The following ZNF721 variants were observed in gnomAD, a reference collection of about 807,000 sequenced individuals.
ZNF721 encodes the protein zinc finger protein 721.
In ZNF721, 2 loss-of-function variants were observed where a neutral mutation model predicts 2.4. The observed-to-expected ratio is 0.82, with a 90% CI of 0.34 to 2.58. ZNF721 has a LOEUF of 2.58. Ranked by LOEUF, ZNF721 falls within the 30% of genes most tolerant of loss-of-function variation. ZNF721 has a pLI of 0.11. For missense variants in ZNF721, 1,187 were observed against 1,085.5 expected, an observed-to-expected ratio of 1.09 and a Z score of -1.31; for synonymous variants, 398 against 381.8, an observed-to-expected ratio of 1.04 and a Z score of -0.50.
chr4:495,607 TTC>T (rs1279677373), intron 1 of ZNF721, among the ~76,000 whole-genome samples: 3 of 142,032 alleles, frequency 2.1e-5, no homozygotes, highest in South Asian at 2.3e-4. Flanking sequence ...TTGCCATTTC[TTC>T]TTTTTTTTTT....
At chr4:496,936 T>C (rs1716169877) in intron 1 of ZNF721, among the ~76,000 whole-genome samples, 1 of 151,708 alleles carries the variant, frequency 6.6e-6, no homozygotes. Flanking sequence ...ATGGTCTCGA[T>C]CTCCTGACCT....
rs1353005497 is a variant in ZNF721, at chr4:441,635, G to T, written c.*60C>A. 3 of 1,384,888 alleles carry T rather than the reference G, an allele frequency of 2.2e-6. No homozygotes were observed. In the African/African-American group the frequency reaches 4.4e-5, roughly 20 times the overall value. The allele number at this position is 1,384,888 out of a possible 1,614,324, so 85.8% of individuals were successfully genotyped here. A position where few individuals can be genotyped will look rare whatever the true frequency, so the allele number is the denominator to read the frequency against. On this transcript the variant is annotated 3_prime_UTR_variant, in exon 3 of 3. Coordinates refer to ENST00000511833, the MANE Select transcript of ZNF721 (RefSeq NM_133474.4). Reference sequence around the variant, plus strand: ...GTCACCTTCGTAAGACATTCCCCTGGTATGAGTTCTCTTATGTTTAAGAAT... The same window carrying T: ...GTCACCTTCGTAAGACATTCCCCTGTTATGAGTTCTCTTATGTTTAAGAAT...
chr4:447,111 G>C (rs954069697), intron 2 of ZNF721, among the ~76,000 whole-genome samples: 1 of 152,118 alleles, frequency 6.6e-6, no homozygotes, highest in Non-Finnish European at 1.5e-5. Flanking sequence ...CACAAGGTCA[G>C]GAGATTGAGA....
intron 2 of ZNF721, among the ~76,000 whole-genome samples, chr4:460,627 C>CAAAA (rs199519505): frequency 9.9e-6 from 1 of 101,386 alleles, no homozygotes; most frequent in Non-Finnish European, 2.1e-5. Flanking sequence ...AAGACCCTTT[C>CAAAA]AAAAAAAAAA....
In ZNF721 at chr4:443,681, TGAG is replaced by T. The variant is rs1714360326; in HGVS notation, c.783_785del (p.Ser263del). 1 of 1,614,094 alleles carries T rather than the reference TGAG, an allele frequency of 6.2e-7. No individual in the cohort carries two copies. Among genetic ancestry groups the T allele is most frequent in the Non-Finnish European group, 8.5e-7 (1 of 1,179,986 alleles). On this transcript the variant is annotated inframe_deletion, in exon 3 of 3. Coordinates refer to ENST00000511833, the MANE Select transcript of ZNF721 (RefSeq NM_133474.4). ...GAATCCTCTTATGTTTAGCAAAGCT[TGAG>T]GATGAGGAAATGACTTTGCCACATT... is the stretch of plus-strand genomic sequence containing the variant.
Position 442,060 on chromosome 4 carries a change from G to A in ZNF721, c.2407C>T (p.His803Tyr). Reference protein sequence around the residue: ...SSSFAKHKRIHTGEKPFKCLE... With the variant: ...SSSFAKHKRIYTGEKPFKCLE... The stretch of plus-strand genomic sequence containing the variant: ...CATTTAAAGGGTTTCTCACCTGTAT[G>A]AATCCTCTTATGTTTAGCAAAGCTT... The change falls in exon 3 of 3, where the codon CAT becomes TAT. Residue 803 changes from histidine (H) to tyrosine (Y), a missense_variant. Transcript: ENST00000511833. 2.5e-6 allele frequency: 4 copies of A among 1,613,910 alleles called. No individual in the cohort carries two copies. Among genetic ancestry groups the A allele is most frequent in the Non-Finnish European group, 3.4e-6 (4 of 1,179,838 alleles).
intron 1 of ZNF721, among the ~76,000 whole-genome samples, chr4:477,285 G>A (rs534046453): frequency 4.4e-4 from 53 of 120,912 alleles, no homozygotes; most frequent in Admixed American, 9.6e-4. Flanking sequence ...TTTGGAGACA[G>A]AGTCTCGTCT....
chr4:471,764 G>T (rs782621783), intron 2 of ZNF721, among the ~76,000 whole-genome samples: 35 of 151,912 alleles, frequency 2.3e-4, no homozygotes, highest in Non-Finnish European at 4.3e-4. Flanking sequence ...AAAAAATCAT[G>T]ATCTATATGA....
intron 1 of ZNF721, among the ~76,000 whole-genome samples, chr4:494,518 A>T (rs1560247133): frequency 6.6e-6 from 1 of 152,010 alleles, no homozygotes; most frequent in African/African-American, 2.4e-5. Flanking sequence ...TAAAGATTCA[A>T]TTTTTTTCCT....
intron 1 of ZNF721, chr4:474,097 T>G (rs1216812366): frequency 1.5e-6 from 2 of 1,313,884 alleles, no homozygotes; most frequent in African/African-American, 3.0e-5. Flanking sequence ...CCCTGAGGTG[T>G]GGAAGCAGGG....
chr4:478,928 CCAGG>C (rs1346211505), intron 1 of ZNF721, among the ~76,000 whole-genome samples: 2 of 152,020 alleles, frequency 1.3e-5, no homozygotes, highest in Non-Finnish European at 2.9e-5. Flanking sequence ...CACCACCATG[CCAGG>C]CTAATTTTTT....
At chr4:474,167 G>C (rs1715561544) in intron 1 of ZNF721, 1 of 561,942 alleles carries the variant, frequency 1.8e-6, no homozygotes, top group Non-Finnish European at 2.9e-6. Flanking sequence ...GAAGATCCCG[G>C]ATGCCGCCCC....
chr4:477,013 T>C (rs1715638100), intron 1 of ZNF721, among the ~76,000 whole-genome samples: 1 of 152,128 alleles, frequency 6.6e-6, no homozygotes, highest in Non-Finnish European at 1.5e-5. Context: ...TCTGGCCTTT[T>C]TCTTGTTTGT....
chr4:492,297 G>A (rs890691772), intron 1 of ZNF721, among the ~76,000 whole-genome samples: 1 of 151,896 alleles, frequency 6.6e-6, no homozygotes, highest in African/African-American at 2.4e-5. Flanking sequence ...TTACCAAAAG[G>A]CAAAAGAAAA....
intron 2 of ZNF721, among the ~76,000 whole-genome samples, chr4:466,823 T>C (rs951730454): frequency 9.2e-5 from 14 of 152,110 alleles, no homozygotes; most frequent in African/African-American, 2.2e-4. Context: ...GGCTTACAAT[T>C]TGATGTGAGA....
At chr4:491,327 A>C (rs558200917) in intron 1 of ZNF721, among the ~76,000 whole-genome samples, 22 of 152,280 alleles carry the variant, frequency 1.4e-4, no homozygotes, top group Non-Finnish European at 2.9e-4. Flanking sequence ...CTGAGGCAGG[A>C]GAATGGCTTG....
At chr4:481,342 C>A (rs1483415203) in intron 1 of ZNF721, among the ~76,000 whole-genome samples, 1 of 152,170 alleles carries the variant, frequency 6.6e-6, no homozygotes, top group Non-Finnish European at 1.5e-5. Flanking sequence ...AACATTGACT[C>A]CCTTTTTGTG....
In ZNF721 at chr4:440,423, T is replaced by G. The variant is rs1296204417; in HGVS notation, c.*1272A>C. 1 of 152,246 alleles carries G rather than the reference T, an allele frequency of 6.6e-6. No individual in the cohort carries two copies. Among genetic ancestry groups the G allele is most frequent in the Non-Finnish European group, 1.5e-5 (1 of 68,046 alleles). 9.4% of individuals were successfully genotyped at this position (152,246 alleles called of 1,614,324 possible). A position where few individuals can be genotyped will look rare whatever the true frequency, so the allele number is the denominator to read the frequency against. On this transcript the variant is annotated 3_prime_UTR_variant, in exon 3 of 3. Coordinates refer to ENST00000511833, the MANE Select transcript of ZNF721 (RefSeq NM_133474.4). ...TTTACTTTTTTCAAGTGAAAAAATA[T>G]ATTTCGAATATATCTCTTCAAAAAC...
intron 2 of ZNF721, among the ~76,000 whole-genome samples, chr4:454,740 T>C (rs1249966829): frequency 3.3e-5 from 5 of 152,214 alleles, no homozygotes; most frequent in African/African-American, 1.2e-4. Context: ...CAATTGAACA[T>C]GGACACAAAC....
Sources: gnomAD v4.1 joint callset for allele counts (sites outside exome capture counted in the v4.1 genomes callset) on GRCh38, gnomAD v4.1.1 for gene constraint, MANE v1.5 for transcripts, NCBI Gene and HGNC (gene_info 2026-07-23, HGNC 2026-07-21) for gene names.